Variants in GLB1L observed in about 807,000 individuals in gnomAD.
GLB1L encodes galactosidase beta 1 like, also known as beta-galactosidase-1-like protein.
GLB1L carries 58 observed loss-of-function variants against 75.7 expected under a neutral mutation model. The observed-to-expected ratio is 0.77, with a 90% CI of 0.62 to 0.95. The LOEUF (loss-of-function observed/expected upper bound fraction) is 0.95, where lower values mean the gene tolerates loss of function less well. GLB1L is among the 40% of genes least tolerant of loss of function. The pLI is 0.00. For missense variants in GLB1L, 797 were observed against 805.5 expected (o/e 0.99, Z 0.13); for synonymous variants, 296 against 303.0 (o/e 0.98, Z 0.24).
intron 2 of GLB1L, 44 bp downstream of exon 2, chr2:219,243,457 TC>T: frequency 6.2e-7 from 1 of 1,609,640 alleles, no homozygotes; most frequent in South Asian, 1.1e-5. Context: ...CTGGATCTGA[TC>T]CCGCTCACCG....
At chr2:219,240,368 C>G in intron 5 of GLB1L, 83 bp from the exon 6 acceptor site, 1 of 1,115,558 alleles carries the variant, frequency 9.0e-7, no homozygotes, top group Non-Finnish European at 1.4e-6. Flanking sequence ...TGACTCTTGT[C>G]AAGAAATTCC....
In GLB1L at chr2:219,243,152, GTA is replaced by G; in HGVS notation, c.233_234del (p.Ile78ThrfsTer17). 6.2e-7 allele frequency: 1 copy of G among 1,607,082 alleles called. No homozygotes were observed. Among genetic ancestry groups the G allele is most frequent in the East Asian group, 2.2e-5 (1 of 44,762 alleles). ...GCTCTTGCGAGCACTTCTTACAACT[GTA>G]TGGCGTTGAGGCCGCTCCATCGCAT... ...LKMRWSGLNA[I>X]QFYVPWNYHE... is the part of the protein sequence containing the mutation. On this transcript the variant is annotated frameshift_variant, in exon 3 of 17. Coordinates refer to ENST00000295759, the MANE Select transcript of GLB1L (RefSeq NM_001286423.2). LOFTEE classifies it high-confidence loss of function.
At chr2:219,244,282 C>T (rs1479376624) in intron 1 of GLB1L, among the ~76,000 whole-genome samples, 1 of 152,210 alleles carries the variant, frequency 6.6e-6, no homozygotes, top group Non-Finnish European at 1.5e-5. Flanking sequence ...CTTTACTTGA[C>T]TGGGCTCCCT....
chr2:219,237,196 G>A lies in GLB1L; in HGVS notation c.1841C>T (p.Pro614Leu). The part of the protein sequence containing the change: ...LLELEDVPLQ[P>L]QVQFLDKPIL... The stretch of plus-strand genomic sequence containing the variant: ...AGGCTTATCCAAAAATTGGACTTGG[G>A]GCTGGAGAGGTACATCTTCTAGTTC... The change falls in exon 17 of 17, where the codon CCC becomes CTC. Residue 614 changes from proline to leucine, a missense_variant. Physicochemically the swap from Pro to Leu is moderately conservative, Grantham distance 98. Coordinates refer to ENST00000295759, the MANE Select transcript of GLB1L (RefSeq NM_001286423.2). The A allele has an allele frequency of 6.2e-7, 1 of 1,614,146 alleles. No homozygotes were observed. Among genetic ancestry groups the A allele is most frequent in the Non-Finnish European group, 8.5e-7 (1 of 1,180,026 alleles).
chr2:219,239,053 T>G (rs761594870), intron 11 of GLB1L, 39 bp downstream of exon 11: 1 of 1,393,646 alleles, frequency 7.2e-7, no homozygotes, highest in Non-Finnish European at 1.0e-6. Context: ...TCCTCCAAAT[T>G]AATAAAAGCC....
rs1243545382 is a variant in GLB1L, at chr2:219,239,155, T to C, written c.999A>G (p.Ala333=). ...LPITTSYDYD[A]PISEAGDPTP... is the part of the protein sequence containing the mutation. The stretch of plus-strand genomic sequence containing the variant: ...TGGGGTCCCCTGCTTCAGATATAGG[T>C]GCATCATAGTCATAGCTGGTAGTAA... Residue 333 remains alanine (A), a synonymous_variant, in exon 11 of 17, where the codon GCA becomes GCG. Transcript: ENST00000295759. 5.6e-6 allele frequency: 9 copies of C among 1,614,010 alleles called. No homozygotes were observed. The highest frequency in any genetic ancestry group is 5.3e-5 in the African/African-American group (4 of 74,922).
chr2:219,239,128 T>C lies in GLB1L; in HGVS notation c.1026A>G (p.Thr342=), dbSNP rs758821715. The C allele has an allele frequency of 6.2e-7, 1 of 1,613,844 alleles. No homozygotes were observed. Among genetic ancestry groups the C allele is most frequent in the South Asian group, 1.1e-5 (1 of 91,070 alleles). The change falls in exon 11 of 17, where the codon ACA becomes ACG. Residue 342 remains threonine (T), a synonymous_variant. Transcript: ENST00000295759. ...CATCTCGAAGAGCAAAAAGCTTAGGTGTGGGGTCCCCTGCTTCAGATATAG... is the reference window on the plus strand; with the variant it reads ...CATCTCGAAGAGCAAAAAGCTTAGGCGTGGGGTCCCCTGCTTCAGATATAG... ...DAPISEAGDP[T]PKLFALRDVI...
In GLB1L at chr2:219,243,256, G is replaced by T. The variant is rs769981657; in HGVS notation, c.131C>A (p.Ala44Asp). The T allele has an allele frequency of 1.2e-6, 2 of 1,613,942 alleles. No individual in the cohort carries two copies. The highest frequency in any genetic ancestry group is 4.5e-5 in the East Asian group (2 of 44,872). Reference sequence around the variant, plus strand: ...GCTGCCAGACACATAGCGGAACGGGGCCCCGTCTAGGAGAAACCGGTCATG... The same window carrying T: ...GCTGCCAGACACATAGCGGAACGGGTCCCCGTCTAGGAGAAACCGGTCATG... ...RGHDRFLLDGAPFRYVSGSLH... is the reference protein window; with the variant it reads ...RGHDRFLLDGDPFRYVSGSLH... The change falls in exon 3 of 17, where the codon GCC becomes GAC. Residue 44 changes from alanine to aspartate, a missense_variant. Physicochemically the swap from Ala to Asp is moderately radical, Grantham distance 126. Coordinates refer to ENST00000295759, the MANE Select transcript of GLB1L (RefSeq NM_001286423.2).
In GLB1L at chr2:219,237,593, A is replaced by G. The variant is rs1334866737; in HGVS notation, c.1608T>C (p.Ser536=). ...LPKWPYPQAP[S]GPTFYSKTFP... Reference sequence around the variant, plus strand: ...ATGTTTTGGAGTAGAATGTGGGGCCAGAAGGAGCTTGAGGATATGGCCATT... The same window carrying G: ...ATGTTTTGGAGTAGAATGTGGGGCCGGAAGGAGCTTGAGGATATGGCCATT... The change falls in exon 16 of 17, where the codon TCT becomes TCC. Residue 536 remains serine, a synonymous_variant. Coordinates refer to ENST00000295759, the MANE Select transcript of GLB1L (RefSeq NM_001286423.2). 1.9e-6 allele frequency: 3 copies of G among 1,614,226 alleles called. No homozygotes were observed. The highest frequency in any genetic ancestry group is 2.5e-6 in the Non-Finnish European group (3 of 1,180,030).
chr2:219,237,834 C>A lies in GLB1L; in HGVS notation c.1465G>T (p.Asp489Tyr). The change falls in exon 15 of 17, where the codon GAC becomes TAC. Residue 489 changes from aspartate (D) to tyrosine (Y), a missense_variant. Transcript: ENST00000295759. ...AGGCAAAGCTAGCTCACCTTGAAGT[C>A]ACTGCTGTTAGACCCAAAGCTGAGC... Reference protein sequence around the residue: ...GRLSFGSNSSDFKGLLKPPIL... With the variant: ...GRLSFGSNSSYFKGLLKPPIL... The A allele has an allele frequency of 6.2e-7, 1 of 1,614,098 alleles. No individual in the cohort carries two copies. The highest frequency in any genetic ancestry group is 8.5e-7 in the Non-Finnish European group (1 of 1,179,990).
At chr2:219,244,783 T>C (rs1951487402) in intron 1 of GLB1L, among the ~76,000 whole-genome samples, 2 of 152,160 alleles carry the variant, frequency 1.3e-5, no homozygotes, top group Admixed American at 6.5e-5. Flanking sequence ...TTCAACTCCA[T>C]GAGGTAGATA....
At chr2:219,239,521 C>G (rs755114581) in intron 9 of GLB1L, 40 bp downstream of exon 9, 30 of 1,613,804 alleles carry the variant, frequency 1.9e-5, no homozygotes, top group Non-Finnish European at 1.6e-5. Flanking sequence ...TCCCCAGCTC[C>G]CAGCTACAGA....
In GLB1L at chr2:219,238,245, C is replaced by G; in HGVS notation, c.1341+5G>C. On this transcript the variant is annotated splice_donor_5th_base_variant and intron_variant, in intron 14 of 16. Coordinates refer to ENST00000295759, the MANE Select transcript of GLB1L (RefSeq NM_001286423.2). ...GGGGCTCACAGCCTGGAATTAGGTT[C>G]TCACCCCATCCACCATCACATAGGC... The G allele has an allele frequency of 6.3e-7, 1 of 1,577,148 alleles. No homozygotes were observed. Among genetic ancestry groups the G allele is most frequent in the Non-Finnish European group, 8.6e-7 (1 of 1,156,652 alleles).
rs746898745 is a variant in GLB1L, at chr2:219,242,913, A to T, written c.245T>A (p.Val82Glu). ...WSGLNAIQFY[V>E]PWNYHEPQPG... ...CTGTGGCTCGTGGTAGTTCCAGGGC[A>T]CATAACTGAGAAAGGAAGAGGTTAA... is the stretch of plus-strand genomic sequence containing the variant. The change falls in exon 4 of 17, where the codon GTG becomes GAG. Residue 82 changes from valine (V) to glutamate (E), a missense_variant. Physicochemically the swap from Val to Glu is moderately radical, Grantham distance 121. Transcript: ENST00000295759. 1 of 1,614,196 alleles carries T rather than the reference A, an allele frequency of 6.2e-7. No homozygotes were observed. The highest frequency in any genetic ancestry group is 8.5e-7 in the Non-Finnish European group (1 of 1,180,026).
At chr2:219,243,024 T>C (rs931493885) in intron 3 of GLB1L, 106 bp from the exon 4 acceptor site, 33 of 1,555,266 alleles carry the variant, frequency 2.1e-5, no homozygotes, top group Middle Eastern at 1.7e-4. Flanking sequence ...AAGGAGGTCC[T>C]GGCCTGCCCT....
chr2:219,243,670 C>A (rs1951456244), intron 1 of GLB1L, 27 bp from the exon 2 acceptor site: 15 of 1,214,060 alleles, frequency 1.2e-5, no homozygotes, highest in Non-Finnish European at 1.6e-5. Context: ...GCGGAAACCA[C>A]CTCAAGTTGC....
intron 9 of GLB1L, 43 bp downstream of exon 9, chr2:219,239,518 C>G: frequency 6.2e-7 from 1 of 1,613,754 alleles, no homozygotes; most frequent in Non-Finnish European, 8.5e-7. Flanking sequence ...TCATCCCCAG[C>G]TCCCAGCTAC....
chr2:219,244,214 T>G (rs536796928), intron 1 of GLB1L, among the ~76,000 whole-genome samples: 1 of 152,076 alleles, frequency 6.6e-6, no homozygotes, highest in Non-Finnish European at 1.5e-5. Flanking sequence ...GAATCAGAAT[T>G]TGTATTTTAA....
Position 219,237,037 on chromosome 2 carries a change from A to AT in GLB1L, c.*34dup. Reference sequence around the variant, plus strand: ...CGTCTCAGCCTCCCAAAGTGCTGGGATTACAGGCATGAGCCACCATGCCCG... The same window carrying AT: ...CGTCTCAGCCTCCCAAAGTGCTGGGATTTACAGGCATGAGCCACCATGCCCG... On this transcript the variant is annotated 3_prime_UTR_variant, in exon 17 of 17. Coordinates refer to ENST00000295759, the MANE Select transcript of GLB1L (RefSeq NM_001286423.2). The AT allele has an allele frequency of 6.6e-7, 1 of 1,525,404 alleles. No individual in the cohort carries two copies. Among genetic ancestry groups the AT allele is most frequent in the Non-Finnish European group, 9.0e-7 (1 of 1,109,402 alleles). 94.5% of individuals were successfully genotyped at this position (1,525,404 alleles called of 1,614,324 possible). A position where few individuals can be genotyped will look rare whatever the true frequency, so the allele number is the denominator to read the frequency against.
Sources: gnomAD v4.1 joint callset for allele counts (sites outside exome capture counted in the v4.1 genomes callset) on GRCh38, gnomAD v4.1.1 for gene constraint, MANE v1.5 for transcripts, NCBI Gene and HGNC (gene_info 2026-07-23, HGNC 2026-07-21) for gene names.